POLI: variants seen among roughly 807,000 people sequenced by gnomAD.
POLI encodes the protein RAD30 homolog B.
In POLI, 58 loss-of-function variants were observed where a neutral mutation model predicts 51.6. That is an observed-to-expected ratio of 1.12 (90% confidence interval 0.91 to 1.40). The LOEUF (loss-of-function observed/expected upper bound fraction) is 1.40, where lower values mean the gene tolerates loss of function less well. Among genes scored for constraint, POLI ranks in the 40% most tolerant of loss-of-function variants. The pLI, the probability that POLI is intolerant of heterozygous loss-of-function variation, is 0.00. For synonymous variants in POLI, 322 were observed against 299.7 expected (o/e 1.07, Z -0.77); for missense variants, 921 against 871.3 (o/e 1.06, Z -0.72).
At chr18:54,308,235 A>G (rs1599277735) in intron 3 of POLI, among the ~76,000 whole-genome samples, 1 of 152,050 alleles carries the variant, frequency 6.6e-6, no homozygotes, top group Non-Finnish European at 1.5e-5. Flanking sequence ...GTTCCTTTCC[A>G]TGTTTAGTGC....
exon 4 of POLI, chr18:54,320,309 T>C (rs139373088): frequency 6.6e-6 from 1 of 152,282 alleles, no homozygotes; most frequent in African/African-American, 2.4e-5. Context: ...TCCTCTCTCA[T>C]GCAAAGAAGG....
intron 3 of POLI, among the ~76,000 whole-genome samples, chr18:54,316,621 G>A (rs2088737005): frequency 6.6e-6 from 1 of 152,118 alleles, no homozygotes; most frequent in Non-Finnish European, 1.5e-5. Flanking sequence ...AAAGTGGAGG[G>A]CTATACAACA....
intron 8 of POLI, among the ~76,000 whole-genome samples, chr18:54,289,278 G>T (rs1302501433): frequency 4.7e-5 from 7 of 150,124 alleles, no homozygotes; most frequent in South Asian, 4.2e-4. Flanking sequence ...TAGTTTCATG[G>T]TTAGCCAGTG....
At chr18:54,307,009 G>C (rs1372528479) in intron 3 of POLI, among the ~76,000 whole-genome samples, 1 of 151,520 alleles carries the variant, frequency 6.6e-6, no homozygotes, top group East Asian at 1.9e-4. Context: ...AGCAAGAAAA[G>C]ATCAACAAAA....
In POLI at chr18:54,269,727, C is replaced by A. The variant is rs1187307626; in HGVS notation, c.115+66C>A. The A allele has an allele frequency of 5.0e-6, 7 of 1,408,282 alleles. No individual in the cohort carries two copies. The African/African-American group carries it at 1.1e-4, about 21-fold the overall frequency. The allele number at this position is 1,408,282 out of a possible 1,614,324, so 87.2% of individuals were successfully genotyped here. On this transcript the variant is annotated intron_variant, in intron 1 of 9. Transcript: ENST00000579534. ...AAATGAGAAGGGTGGGGCAGGCGGACGCTCGGGGCGGCGGCCACTGGGGCG... is the reference window on the plus strand; with the variant it reads ...AAATGAGAAGGGTGGGGCAGGCGGAAGCTCGGGGCGGCGGCCACTGGGGCG...
At chr18:54,287,112 T>G (rs868362354) in intron 7 of POLI, among the ~76,000 whole-genome samples, 169 bp from the exon 8 acceptor site, 3 of 152,226 alleles carry the variant, frequency 2.0e-5, no homozygotes, top group Non-Finnish European at 4.4e-5. Context: ...GACTTTGTGA[T>G]GATTATTTGG....
intron 8 of POLI, 177 bp downstream of exon 8, chr18:54,287,588 ATTTATTTT>A (rs2087807692): frequency 4.0e-6 from 2 of 496,610 alleles, no homozygotes; most frequent in East Asian, 3.7e-5. Context: ...TTATTTATTT[ATTTATTTT>A]TTGAGACAGG....
intron 3 of POLI, among the ~76,000 whole-genome samples, chr18:54,277,221 A>C (rs1299297682): frequency 1.3e-5 from 2 of 152,184 alleles, no homozygotes; most frequent in Non-Finnish European, 2.9e-5. Context: ...TTGAAAGTTG[A>C]CTGACTTTCT....
At chr18:54,303,026 A>G (rs977493616), downstream of POLI, among the ~76,000 whole-genome samples, 1 of 152,234 alleles carries the variant, frequency 6.6e-6, no homozygotes, top group Non-Finnish European at 1.5e-5. Flanking sequence ...CCTGTGGGTT[A>G]TCAGCTTGTG....
At position 54,298,001 on chromosome 18, in the gene POLI, T is replaced by C. The variant is rs1029448959; in HGVS notation, c.*3534T>C. The C allele has an allele frequency of 1.0e-6, 1 of 979,830 alleles. No individual in the cohort carries two copies. Among genetic ancestry groups the C allele is most frequent in the Admixed American group, 6.2e-5 (1 of 16,244 alleles). 60.7% of individuals were successfully genotyped at this position (979,830 alleles called of 1,614,324 possible). ...CTGTTCTAAGATAATATCTTTTACTTTGGAGATACGCAGTTTTTATTATAT... is the reference window on the plus strand; with the variant it reads ...CTGTTCTAAGATAATATCTTTTACTCTGGAGATACGCAGTTTTTATTATAT... On this transcript the variant is annotated 3_prime_UTR_variant, in exon 10 of 10. Coordinates refer to ENST00000579534, the MANE Select transcript of POLI (RefSeq NM_007195.3).
chr18:54,296,369 C>T lies in POLI; in HGVS notation c.*1902C>T. On this transcript the variant is annotated 3_prime_UTR_variant, in exon 10 of 10. Transcript: ENST00000579534. ...ACTTATTTTGTGGTTTTAAGTTAGT[C>T]TCAACATCTTTGGGCCTCAGAATCA... is the stretch of plus-strand genomic sequence containing the variant. The T allele has an allele frequency of 1.0e-6, 1 of 984,942 alleles. No homozygotes were observed. Among genetic ancestry groups the T allele is most frequent in the Non-Finnish European group, 1.2e-6 (1 of 829,516 alleles). 61.0% of individuals were successfully genotyped at this position (984,942 alleles called of 1,614,324 possible). A position where few individuals can be genotyped will look rare whatever the true frequency, so the allele number is the denominator to read the frequency against.
chr18:54,298,630 G>A (rs960514414), downstream of POLI, among the ~76,000 whole-genome samples: 25 of 133,994 alleles, frequency 1.9e-4, no homozygotes, highest in South Asian at 7.2e-4. Context: ...TCGCTCTGTC[G>A]CCCAGGTTGG....
intron 3 of POLI, among the ~76,000 whole-genome samples, chr18:54,303,255 A>C (rs1235673779): frequency 1.3e-5 from 2 of 152,164 alleles, no homozygotes; most frequent in Non-Finnish European, 2.9e-5. Context: ...AGCTGTAATA[A>C]ATTCACCCCT....
intron 8 of POLI, chr18:54,291,628 C>A: frequency 2.9e-6 from 1 of 345,600 alleles, no homozygotes. Context: ...CTGACCATAT[C>A]AGTGTAGTAT....
At chr18:54,316,698 T>A (rs2144652854) in intron 3 of POLI, among the ~76,000 whole-genome samples, 1 of 152,310 alleles carries the variant, frequency 6.6e-6, no homozygotes, top group Admixed American at 6.5e-5. Flanking sequence ...TAGCAGAGGC[T>A]GGAGTAACAA....
chr18:54,293,538 T>C, intron 9 of POLI, 111 bp from the exon 10 acceptor site: 1 of 705,732 alleles, frequency 1.4e-6, no homozygotes, highest in Non-Finnish European at 2.3e-6. Context: ...AGAGTTGTAT[T>C]TGTTGAGTAG....
chr18:54,273,722 A>T (rs1288079374), intron 2 of POLI, among the ~76,000 whole-genome samples: 1 of 152,148 alleles, frequency 6.6e-6, no homozygotes, highest in Admixed American at 6.5e-5. Flanking sequence ...TATAATTCAT[A>T]ATTAGGAGAT....
At chr18:54,288,454 G>C (rs1249284639) in intron 8 of POLI, among the ~76,000 whole-genome samples, 1 of 152,072 alleles carries the variant, frequency 6.6e-6, no homozygotes, top group Non-Finnish European at 1.5e-5. Context: ...AGTTGTTCCT[G>C]CATCATTTGT....
At chr18:54,270,066 A>G (rs1207463980) in intron 1 of POLI, 2 of 994,532 alleles carry the variant, frequency 2.0e-6, no homozygotes, top group African/African-American at 3.5e-5. Flanking sequence ...GCAGGAAGGG[A>G]TGGCTCAGAA....
Sources: gnomAD v4.1 joint callset for allele counts (sites outside exome capture counted in the v4.1 genomes callset) on GRCh38, gnomAD v4.1.1 for gene constraint, MANE v1.5 for transcripts, NCBI Gene and HGNC (gene_info 2026-07-23, HGNC 2026-07-21) for gene names.